ARK2C: variants seen among roughly 807,000 people sequenced by gnomAD.
ARK2C encodes the protein arkadia (RNF111) C-terminal like ring finger ubiquitin ligase 2C, also known as E3 ubiquitin-protein ligase ARK2C.
At chr18:46,433,262 C>A in the ARK2C span, 1 of 1,609,976 alleles carries the variant, frequency 6.2e-7, no homozygotes. Context: ...CCCCCGCAGC[C>A]GCAGCAGCTC....
At chr18:46,347,760 G>T in the ARK2C span, among the ~76,000 whole-genome samples, 1 of 152,066 alleles carries the variant, frequency 6.6e-6, no homozygotes, top group Non-Finnish European at 1.5e-5. Flanking sequence ...TTTTATAAGG[G>T]AAATAAAAGG....
At chr18:46,343,686 G>A in the ARK2C span, among the ~76,000 whole-genome samples, 1 of 152,246 alleles carries the variant, frequency 6.6e-6, no homozygotes, top group East Asian at 1.9e-4. Flanking sequence ...CTAAAGCACT[G>A]TGCTTTCCTC....
chr18:46,414,406 T>C, the ARK2C span, among the ~76,000 whole-genome samples: 1 of 152,196 alleles, frequency 6.6e-6, no homozygotes, highest in Non-Finnish European at 1.5e-5. Flanking sequence ...ATGGGGCAGG[T>C]TGTGGAGACT....
At chr18:46,337,805 C>CTT in the ARK2C span, among the ~76,000 whole-genome samples, 245 of 132,602 alleles carry the variant, frequency 1.8e-3, no homozygotes, top group African/African-American at 6.4e-3. Flanking sequence ...TTTTACTTTA[C>CTT]TTTTTTTTTT....
At chr18:46,418,576 G>A in the ARK2C span, among the ~76,000 whole-genome samples, 2 of 152,174 alleles carry the variant, frequency 1.3e-5, no homozygotes, top group African/African-American at 2.4e-5. Flanking sequence ...TACAGGACAG[G>A]ACAGAACTAG....
At chr18:46,445,595 C>A in the ARK2C span, among the ~76,000 whole-genome samples, 1 of 152,164 alleles carries the variant, frequency 6.6e-6, no homozygotes, top group Non-Finnish European at 1.5e-5. Flanking sequence ...CTTTCAGAGA[C>A]CTCAGCCTCC....
At chr18:46,458,413 T>A in the ARK2C span, 1 of 152,680 alleles carries the variant, frequency 6.5e-6, no homozygotes, top group South Asian at 2.1e-4. Context: ...TGCACTGCTC[T>A]GTAAGCCTCC....
the ARK2C span, among the ~76,000 whole-genome samples, chr18:46,376,261 T>C: frequency 6.6e-6 from 1 of 152,354 alleles, no homozygotes; most frequent in East Asian, 1.9e-4. Context: ...TGACATTAGT[T>C]GGGTACTTTC....
chr18:46,337,482 G>A, the ARK2C span: 1 of 985,406 alleles, frequency 1.0e-6, no homozygotes, highest in Non-Finnish European at 1.2e-6. Context: ...CTGTGGTCGT[G>A]TAGCCCGGGC....
the ARK2C span, among the ~76,000 whole-genome samples, chr18:46,366,189 G>A: frequency 1.3e-5 from 2 of 151,146 alleles, no homozygotes; most frequent in African/African-American, 4.9e-5. Flanking sequence ...CTACTCGGGA[G>A]GCTGAGGCAG....
At chr18:46,461,236 GGTGA>G in the ARK2C span, 8 of 152,302 alleles carry the variant, frequency 5.3e-5, no homozygotes, top group African/African-American at 1.9e-4. Flanking sequence ...TTCTGGGTGG[GGTGA>G]GTGAGGAGAA....
chr18:46,433,557 G>A, the ARK2C span: 17 of 1,483,112 alleles, frequency 1.1e-5, no homozygotes, highest in Admixed American at 1.9e-4. Context: ...CGGGTGAGGG[G>A]GCAGGGCCAG....
the ARK2C span, among the ~76,000 whole-genome samples, chr18:46,418,994 A>G: frequency 6.6e-6 from 1 of 152,236 alleles, no homozygotes; most frequent in Non-Finnish European, 1.5e-5. Flanking sequence ...AGAGAGAGCA[A>G]TGCTTAATCC....
At chr18:46,379,009 C>T in the ARK2C span, among the ~76,000 whole-genome samples, 42 of 152,306 alleles carry the variant, frequency 2.8e-4, no homozygotes, top group South Asian at 7.9e-3. Flanking sequence ...CCTAATTAGG[C>T]CTGGAGTAGG....
chr18:46,382,128 A>G, the ARK2C span, among the ~76,000 whole-genome samples: 1 of 152,306 alleles, frequency 6.6e-6, no homozygotes, highest in South Asian at 2.1e-4. Flanking sequence ...ATTAGAGGCC[A>G]TGAGGGTTTC....
the ARK2C span, among the ~76,000 whole-genome samples, chr18:46,417,717 A>G: frequency 0.27 from 40,937 of 152,180 alleles, 6,781 homozygotes; most frequent in African/African-American, 0.47. Context: ...GAAGTATAAC[A>G]TAAGGCCGGG....
the ARK2C span, among the ~76,000 whole-genome samples, chr18:46,446,892 C>A: frequency 6.6e-6 from 1 of 152,018 alleles, no homozygotes; most frequent in Non-Finnish European, 1.5e-5. Context: ...TGCTTCTGAG[C>A]CCTTTTGCTG....
the ARK2C span, chr18:46,456,540 C>T: frequency 1.9e-6 from 3 of 1,614,066 alleles, no homozygotes; most frequent in Non-Finnish European, 2.5e-6. Context: ...GTATGCATCT[C>T]TTTCACCAAC....
At chr18:46,454,492 G>T in the ARK2C span, among the ~76,000 whole-genome samples, 3 of 152,184 alleles carry the variant, frequency 2.0e-5, no homozygotes, top group African/African-American at 7.2e-5. Context: ...TATTACAGAA[G>T]CCTAGCAGGG....
Sources: allele counts gnomAD v4.1 joint callset (sites outside exome capture counted in the v4.1 genomes callset), GRCh38; gene constraint gnomAD v4.1.1; transcripts MANE v1.5; gene names NCBI Gene and HGNC (gene_info 2026-07-23, HGNC 2026-07-21).